Variants in ACSS3 observed in about 807,000 individuals in gnomAD.
The protein encoded by ACSS3 is acyl-CoA synthetase short chain family member 3, also known as acyl-CoA synthetase short-chain family member 3, mitochondrial.
In ACSS3, 64 loss-of-function variants were observed where a neutral mutation model predicts 84.2. The observed-to-expected ratio is 0.76, with a 90% CI of 0.62 to 0.94. The LOEUF (loss-of-function observed/expected upper bound fraction) is 0.94, where lower values mean the gene tolerates loss of function less well. ACSS3 is among the 40% of genes least tolerant of loss of function. The pLI is 0.00. For missense variants in ACSS3, 815 were observed against 867.6 expected, an observed-to-expected ratio of 0.94 and a Z score of 0.76; for synonymous variants, 317 against 310.1, an observed-to-expected ratio of 1.02 and a Z score of -0.23.
At chr12:81,133,237 A>G (rs1885617458) in intron 2 of ACSS3, among the ~76,000 whole-genome samples, 1 of 152,132 alleles carries the variant, frequency 6.6e-6, no homozygotes, top group Non-Finnish European at 1.5e-5. Context: ...AGAATTCTTT[A>G]AACTTGTCCA....
intron 7 of ACSS3, among the ~76,000 whole-genome samples, chr12:81,163,435 C>A (rs1454143571): frequency 6.6e-6 from 1 of 150,416 alleles, no homozygotes; most frequent in Non-Finnish European, 1.5e-5. Context: ...ATAACACATG[C>A]AATTATGTGC....
At position 81,259,653 on chromosome 12, in the gene ACSS3, G is replaced by C; in HGVS notation, c.*4731G>C. ...CACTTTAGGTAGAGTAGACTGAAAAGACGCCATCTAAAATATACAATGGAT... is the reference window on the plus strand; with the variant it reads ...CACTTTAGGTAGAGTAGACTGAAAACACGCCATCTAAAATATACAATGGAT... On this transcript the variant is annotated 3_prime_UTR_variant, in exon 16 of 16. Coordinates refer to ENST00000548058, the MANE Select transcript of ACSS3 (RefSeq NM_024560.4). 6.5e-7 allele frequency: 1 copy of C among 1,534,448 alleles called. No individual in the cohort carries two copies. Among genetic ancestry groups the C allele is most frequent in the African/African-American group, 1.4e-5 (1 of 73,054 alleles).
At chr12:81,200,149 A>G (rs997362254) in intron 9 of ACSS3, among the ~76,000 whole-genome samples, 1 of 152,194 alleles carries the variant, frequency 6.6e-6, no homozygotes, top group African/African-American at 2.4e-5. Context: ...CAACCACCAC[A>G]ACAATAACTC....
At chr12:81,247,336 T>A (rs2034014614) in intron 13 of ACSS3, among the ~76,000 whole-genome samples, 1 of 152,148 alleles carries the variant, frequency 6.6e-6, no homozygotes, top group Non-Finnish European at 1.5e-5. Flanking sequence ...AGTCTTTTTT[T>A]GTTTTTAGAA....
chr12:81,154,595 T>G (rs1207631728), intron 7 of ACSS3, among the ~76,000 whole-genome samples: 2 of 152,196 alleles, frequency 1.3e-5, no homozygotes, highest in Non-Finnish European at 2.9e-5. Flanking sequence ...TCCACTAAAT[T>G]CCTTGAAAAA....
chr12:81,163,290 C>T (rs549948469), intron 7 of ACSS3, among the ~76,000 whole-genome samples: 131 of 152,298 alleles, frequency 8.6e-4, no homozygotes, highest in Admixed American at 4.3e-3. Context: ...TGATAGATCA[C>T]ATATACATTG....
At chr12:81,143,732 A>G (rs1164458690) in intron 5 of ACSS3, among the ~76,000 whole-genome samples, 1 of 152,212 alleles carries the variant, frequency 6.6e-6, no homozygotes, top group African/African-American at 2.4e-5. Context: ...GAATTGGCCT[A>G]GGCAGTTTGA....
At chr12:81,105,387 T>C (rs930424287) in intron 1 of ACSS3, among the ~76,000 whole-genome samples, 2 of 152,130 alleles carry the variant, frequency 1.3e-5, no homozygotes, top group South Asian at 2.1e-4. Flanking sequence ...AGAATGCAGA[T>C]GACAGAGAAA....
intron 7 of ACSS3, among the ~76,000 whole-genome samples, chr12:81,171,423 A>C (rs1220933545): frequency 2.0e-5 from 3 of 152,126 alleles, no homozygotes; most frequent in Non-Finnish European, 4.4e-5. Context: ...GAAAAAACTA[A>C]AGTATATAAA....
At chr12:81,156,501 A>G (rs1193864086) in intron 7 of ACSS3, among the ~76,000 whole-genome samples, 1 of 73,864 alleles carries the variant, frequency 1.4e-5, no homozygotes, top group Non-Finnish European at 2.8e-5. Context: ...AAAATTAATG[A>G]AAAAGAACTA....
At chr12:81,166,998 T>A (rs908154167) in intron 7 of ACSS3, among the ~76,000 whole-genome samples, 1 of 152,186 alleles carries the variant, frequency 6.6e-6, no homozygotes, top group Admixed American at 6.5e-5. Flanking sequence ...CACATCCACA[T>A]GAAATAACTC....
rs551342892 is a variant in ACSS3 at position 81,105,611 on chromosome 12, G to C, written c.312-3949G>C. On this transcript the variant is annotated intron_variant, in intron 1 of 15. Coordinates refer to ENST00000548058, the MANE Select transcript of ACSS3 (RefSeq NM_024560.4). ...GAGTAAAAACTTCCCTAGTTACTCT[G>C]TCTGGGTCCTAAATCCTATGCTTCT... is the stretch of plus-strand genomic sequence containing the variant. 5.6e-4 allele frequency among the ~76,000 whole-genome samples: 86 copies of C among 152,276 alleles called. 1 individual carries two copies. Among genetic ancestry groups the C allele is most frequent in the African/African-American group, 2.0e-3 (82 of 41,542 alleles).
rs544021328 is a variant in ACSS3, at chr12:81,107,754, G to A, written c.312-1806G>A. Among the ~76,000 whole-genome samples the A allele has an allele frequency of 8.6e-5, 13 of 151,732 alleles. No individual in the cohort carries two copies. The East Asian group carries it at 1.8e-3, about 20-fold the overall frequency. ...TCTGCAGGTGGTCAAGGCATCAGCT[G>A]ATCTAGGTTGGGGGTGGTTGGGAGC... On this transcript the variant is annotated intron_variant, in intron 1 of 15. Coordinates refer to ENST00000548058, the MANE Select transcript of ACSS3 (RefSeq NM_024560.4).
At chr12:81,172,133 G>C (rs569849107) in intron 7 of ACSS3, among the ~76,000 whole-genome samples, 1 of 151,874 alleles carries the variant, frequency 6.6e-6, no homozygotes, top group Non-Finnish European at 1.5e-5. Flanking sequence ...TGGGCATGGT[G>C]GCAGGTTCTG....
In ACSS3 at chr12:81,129,375, T is replaced by G. The variant is rs1194961452; in HGVS notation, c.457-5441T>G. Among the ~76,000 whole-genome samples the G allele has an allele frequency of 2.0e-5, 3 of 152,122 alleles. No homozygotes were observed. The South Asian group carries it at 6.2e-4, about 32-fold the overall frequency. On this transcript the variant is annotated intron_variant, in intron 2 of 15. Coordinates refer to ENST00000548058, the MANE Select transcript of ACSS3 (RefSeq NM_024560.4). The stretch of plus-strand genomic sequence containing the variant: ...GTATGATAAATGCCCCTGGGAATAG[T>G]GAGTTCTATGGCAAACCACTAGGCT...
At chr12:81,089,876 A>G (rs890319108) in intron 1 of ACSS3, among the ~76,000 whole-genome samples, 2 of 151,986 alleles carry the variant, frequency 1.3e-5, no homozygotes, top group African/African-American at 2.4e-5. Context: ...AATACTGTAA[A>G]CAAATGCACA....
intron 1 of ACSS3, among the ~76,000 whole-genome samples, chr12:81,091,531 C>A (rs1881667643): frequency 6.6e-6 from 1 of 151,924 alleles, no homozygotes; most frequent in African/African-American, 2.4e-5. Flanking sequence ...ATTTCAAGAG[C>A]AGTCTGAAAA....
intron 1 of ACSS3, among the ~76,000 whole-genome samples, chr12:81,098,420 G>T (rs1882243186): frequency 6.6e-6 from 1 of 152,086 alleles, no homozygotes; most frequent in African/African-American, 2.4e-5. Flanking sequence ...TTTGTGACCA[G>T]AAATATGCCC....
chr12:81,138,032 T>C (rs1286364679), intron 3 of ACSS3, among the ~76,000 whole-genome samples: 1 of 152,150 alleles, frequency 6.6e-6, no homozygotes, highest in African/African-American at 2.4e-5. Flanking sequence ...TTAAATTATA[T>C]TCAAAAAGCA....
Sources: gnomAD v4.1 joint callset for allele counts (sites outside exome capture counted in the v4.1 genomes callset) on GRCh38, gnomAD v4.1.1 for gene constraint, MANE v1.5 for transcripts, NCBI Gene and HGNC (gene_info 2026-07-23, HGNC 2026-07-21) for gene names.